SORBS2: variants seen among roughly 807,000 people sequenced by gnomAD.
SORBS2 encodes sorbin and SH3 domain-containing protein 2.
A neutral mutation model predicts 97.7 loss-of-function variants in SORBS2; 46 were observed. The observed-to-expected ratio is 0.47, with a 90% confidence interval of 0.37 to 0.60. SORBS2 has a LOEUF of 0.60. Among genes scored for constraint, SORBS2 ranks in the 20% least tolerant of loss-of-function variants. The probability of loss-of-function intolerance (pLI) is 0.00; values close to 1 mark genes in which losing one functional copy is unlikely to be tolerated. For synonymous variants in SORBS2, 476 were observed against 473.4 expected (o/e 1.01, Z -0.07); for missense variants, 1,316 against 1,282.3 (o/e 1.03, Z -0.40).
chr4:185,917,550 C>G (rs1036772052), intron 1 of SORBS2, among the ~76,000 whole-genome samples: 2 of 152,160 alleles, frequency 1.3e-5, no homozygotes, highest in Non-Finnish European at 2.9e-5. Context: ...TATAATAAAA[C>G]AGCAAATGTT....
At chr4:185,693,622 G>A (rs368874168) in intron 2 of SORBS2, among the ~76,000 whole-genome samples, 1 of 152,170 alleles carries the variant, frequency 6.6e-6, no homozygotes, top group Admixed American at 6.5e-5. Flanking sequence ...ACCAGGCAAC[G>A]CTGTGCTTAC....
intron 12 of SORBS2, among the ~76,000 whole-genome samples, 191 bp downstream of exon 24, chr4:185,611,589 T>A (rs2096540093): frequency 6.6e-6 from 1 of 152,212 alleles, no homozygotes; most frequent in Admixed American, 6.5e-5. Context: ...ATTAAATCTT[T>A]ATGCCAGCAC....
intron 1 of SORBS2, among the ~76,000 whole-genome samples, chr4:185,861,499 AG>A (rs1192129026): frequency 6.6e-6 from 1 of 152,160 alleles, no homozygotes; most frequent in Admixed American, 6.5e-5. Context: ...AGGAGAAAGA[AG>A]GCAGGCAGCT....
At chr4:185,813,565 C>T (rs12501180) in intron 1 of SORBS2, among the ~76,000 whole-genome samples, 38,477 of 152,146 alleles carry the variant, frequency 0.25, 5,077 homozygotes, top group Middle Eastern at 0.34. Context: ...CCCCTGCCTT[C>T]GCCCTCAGCC....
chr4:185,627,460 C>T (rs1176955008), intron 5 of SORBS2, among the ~76,000 whole-genome samples: 1 of 152,194 alleles, frequency 6.6e-6, no homozygotes, highest in Non-Finnish European at 1.5e-5. Flanking sequence ...TCAAGTAATC[C>T]TCAAGCCTCA....
intron 2 of SORBS2, among the ~76,000 whole-genome samples, chr4:185,711,625 A>T (rs1315359979): frequency 6.6e-6 from 1 of 152,106 alleles, no homozygotes; most frequent in East Asian, 1.9e-4. Flanking sequence ...TTCTGTCTCA[A>T]AGCAATCTGT....
At chr4:185,590,098 C>A (rs111384947) in intron 13 of SORBS2, among the ~76,000 whole-genome samples, 3 of 152,090 alleles carry the variant, frequency 2.0e-5, no homozygotes, top group African/African-American at 7.2e-5. Context: ...AAGTCAGACC[C>A]GCATTTCAGT....
exon 15 of SORBS2, chr4:185,585,917 C>T (rs146128020): frequency 2.7e-3 from 407 of 152,378 alleles, no homozygotes; most frequent in African/African-American, 8.2e-3. Flanking sequence ...TTGGCTTCTA[C>T]GATCTTTTAA....
intron 2 of SORBS2, among the ~76,000 whole-genome samples, chr4:185,701,832 G>A (rs1197279964): frequency 2.0e-5 from 3 of 151,056 alleles, no homozygotes; most frequent in Non-Finnish European, 4.4e-5. Context: ...TGCAAGTGGC[G>A]TGATCTCAGC....
chr4:185,648,252 T>A (rs1410256756), intron 3 of SORBS2, among the ~76,000 whole-genome samples: 1 of 152,114 alleles, frequency 6.6e-6, no homozygotes, highest in Non-Finnish European at 1.5e-5. Context: ...GTGCAGTGAC[T>A]CACGCCTGTA....
At chr4:185,786,980 C>CAA (rs57734265) in intron 1 of SORBS2, among the ~76,000 whole-genome samples, 2,881 of 100,224 alleles carry the variant, frequency 0.029, 156 homozygotes, top group African/African-American at 0.09. Flanking sequence ...GGCTCTGTCT[C>CAA]AAAAAAAAAA....
At chr4:185,943,724 A>G (rs774368606) in intron 1 of SORBS2, among the ~76,000 whole-genome samples, 39 of 152,236 alleles carry the variant, frequency 2.6e-4, no homozygotes, top group Non-Finnish European at 4.0e-4. Context: ...GAAAAAGACT[A>G]AAAGTGAAAT....
At chr4:185,642,713 A>G (rs887868779) in intron 4 of SORBS2, among the ~76,000 whole-genome samples, 6 of 152,364 alleles carry the variant, frequency 3.9e-5, no homozygotes, top group Admixed American at 2.0e-4. Flanking sequence ...ACATAAACGC[A>G]TATGCCACTG....
chr4:185,677,512 T>C (rs1290323480), intron 4 of SORBS2: 1 of 1,551,394 alleles, frequency 6.4e-7, no homozygotes, highest in East Asian at 2.4e-5. Flanking sequence ...GGTTTTTTGT[T>C]AGCAAAGTAC....
At chr4:185,865,367 C>A (rs2099226310) in intron 1 of SORBS2, among the ~76,000 whole-genome samples, 1 of 152,162 alleles carries the variant, frequency 6.6e-6, no homozygotes, top group Admixed American at 6.5e-5. Context: ...CCCCACTCCC[C>A]CATCCTCATC....
intron 1 of SORBS2, among the ~76,000 whole-genome samples, chr4:185,902,444 G>A (rs1426637730): frequency 1.3e-5 from 2 of 152,116 alleles, no homozygotes; most frequent in Non-Finnish European, 2.9e-5. Flanking sequence ...CAGTTGGAGA[G>A]TAAATGGCCT....
At chr4:185,906,584 T>A (rs1027778855) in intron 1 of SORBS2, among the ~76,000 whole-genome samples, 3 of 152,190 alleles carry the variant, frequency 2.0e-5, no homozygotes, top group African/African-American at 7.2e-5. Flanking sequence ...TTACTATTCA[T>A]AAACATAGCT....
chr4:185,779,746 G>A (rs1185987477), intron 1 of SORBS2, among the ~76,000 whole-genome samples: 1 of 152,110 alleles, frequency 6.6e-6, no homozygotes, highest in Non-Finnish European at 1.5e-5. Context: ...GACCTCCCTG[G>A]TCCCTGTCAT....
rs956726211 is a variant in SORBS2 at position 185,662,252 on chromosome 4, G to T, written c.-45-10C>A. 1 of 1,596,566 alleles carries T rather than the reference G, an allele frequency of 6.3e-7. No homozygotes were observed. The highest frequency in any genetic ancestry group is 8.5e-7 in the Non-Finnish European group (1 of 1,170,940). Reference sequence around the variant, plus strand: ...TCACTGTTATCTGGCTCTGAGAAAAGCGCAAAGGCATCGAGTTAAATTAGC... The same window carrying T: ...TCACTGTTATCTGGCTCTGAGAAAATCGCAAAGGCATCGAGTTAAATTAGC... On this transcript the variant is annotated splice_polypyrimidine_tract_variant and intron_variant, in intron 4 of 20. Transcript: ENST00000284776.
Sources: allele counts gnomAD v4.1 joint callset (sites outside exome capture counted in the v4.1 genomes callset), GRCh38; gene constraint gnomAD v4.1.1; transcripts MANE v1.5; gene names NCBI Gene and HGNC (gene_info 2026-07-23, HGNC 2026-07-21).